The following ANO10 variants were observed in gnomAD, a reference collection of about 807,000 sequenced individuals.
ANO10 encodes anoctamin-10.
A neutral mutation model predicts 74.7 loss-of-function variants in ANO10; 77 were observed. The observed-to-expected ratio is 1.03, with a 90% CI of 0.86 to 1.25. ANO10 has a LOEUF of 1.25. Among genes scored for constraint, ANO10 ranks in the 50% most tolerant of loss-of-function variants. The pLI is 0.00. For synonymous variants in ANO10, 279 were observed against 284.9 expected (o/e 0.98, Z 0.21); for missense variants, 721 against 778.1 (o/e 0.93, Z 0.87).
At chr3:43,638,875 G>A (rs2149562617) in intron 1 of ANO10, 1 of 152,426 alleles carries the variant, frequency 6.6e-6, no homozygotes, top group African/African-American at 2.4e-5. Context: ...ACAGGAATGT[G>A]GGAGTGGCTT....
chr3:43,656,848 C>G (rs2083861096), intron 1 of ANO10, among the ~76,000 whole-genome samples: 2 of 152,234 alleles, frequency 1.3e-5, no homozygotes, highest in African/African-American at 4.8e-5. Flanking sequence ...GGGCTCCGGC[C>G]TTGGCCAGCC....
chr3:43,396,379 C>T (rs1559506311), intron 12 of ANO10, among the ~76,000 whole-genome samples: 1 of 151,986 alleles, frequency 6.6e-6, no homozygotes, highest in African/African-American at 2.4e-5. Context: ...CGCTCTGTCG[C>T]CCAGGCTGGA....
At chr3:43,485,179 C>G (rs1018443295) in intron 11 of ANO10, 1 of 713,336 alleles carries the variant, frequency 1.4e-6, no homozygotes, top group Non-Finnish European at 2.5e-6. Context: ...TGGGTGACAG[C>G]GCCTGCGGTG....
chr3:43,460,102 G>T (rs2075313329), intron 11 of ANO10, among the ~76,000 whole-genome samples: 1 of 152,070 alleles, frequency 6.6e-6, no homozygotes, highest in Non-Finnish European at 1.5e-5. Flanking sequence ...TGGGAAGAAG[G>T]CCATCAGCAC....
intron 12 of ANO10, among the ~76,000 whole-genome samples, chr3:43,402,430 T>C (rs2092499076): frequency 2.6e-5 from 4 of 152,210 alleles, no homozygotes. Flanking sequence ...TGATACATAA[T>C]ATTACTTTGC....
rs529756128 is a variant in ANO10, at chr3:43,437,949, G to A, written c.1798-5222C>T. Among the ~76,000 whole-genome samples, 55 of 151,290 alleles carry A rather than the reference G, an allele frequency of 3.6e-4. 1 individual carries two copies. Among genetic ancestry groups the A allele is most frequent in the Non-Finnish European group, 6.6e-4 (45 of 67,886 alleles). On this transcript the variant is annotated intron_variant, in intron 11 of 12. Transcript: ENST00000292246. ...CTTCAGAAGCTGACCCAAAAGAAAT[G>A]AAGATCTGTGAATTGCCTGACAGAG... is the stretch of plus-strand genomic sequence containing the variant.
At chr3:43,591,048 C>A (rs781066022) in intron 4 of ANO10, among the ~76,000 whole-genome samples, 1 of 152,176 alleles carries the variant, frequency 6.6e-6, no homozygotes, top group African/African-American at 2.4e-5. Context: ...GATATAAACC[C>A]AGGCATTTGA....
chr3:43,458,067 A>G (rs1237576162), intron 11 of ANO10, among the ~76,000 whole-genome samples: 6 of 152,222 alleles, frequency 3.9e-5, no homozygotes, highest in Non-Finnish European at 8.8e-5. Flanking sequence ...AGACAACCAC[A>G]TATTGGAAAA....
chr3:43,473,146 C>T (rs952187350), intron 11 of ANO10, among the ~76,000 whole-genome samples: 1 of 145,672 alleles, frequency 6.9e-6, no homozygotes, highest in South Asian at 2.2e-4. Flanking sequence ...GATTTTTGGT[C>T]CAAAATGTCT....
chr3:43,511,363 A>G (rs181550252), intron 11 of ANO10, among the ~76,000 whole-genome samples: 18 of 152,324 alleles, frequency 1.2e-4, no homozygotes, highest in African/African-American at 4.3e-4. Flanking sequence ...AAAACGTTTT[A>G]GCAATGTCCT....
In ANO10 at chr3:43,549,092, T is replaced by A. The variant is rs1171261654; in HGVS notation, c.1797+628A>T. Among the ~76,000 whole-genome samples, 16 of 121,118 alleles carry A rather than the reference T, an allele frequency of 1.3e-4. No homozygotes were observed. In the Admixed American group the frequency reaches 1.5e-3, roughly 11 times the overall value. 79.5% of individuals were successfully genotyped at this position (121,118 alleles called of 152,430 possible). On this transcript the variant is annotated intron_variant, in intron 11 of 12. Transcript: ENST00000292246. ...AAAAATACATATTAAATGTATGGAA[T>A]TTGATTTTGAATAGGATTTTTTTTT...
At chr3:43,641,221 G>A (rs1274427097) in intron 1 of ANO10, among the ~76,000 whole-genome samples, 1 of 152,122 alleles carries the variant, frequency 6.6e-6, no homozygotes, top group Non-Finnish European at 1.5e-5. Context: ...AAATTATCTG[G>A]ATTGGGGGTT....
chr3:43,587,358 T>C (rs2081526644), intron 4 of ANO10, among the ~76,000 whole-genome samples: 1 of 152,064 alleles, frequency 6.6e-6, no homozygotes, highest in Non-Finnish European at 1.5e-5. Flanking sequence ...TCTAGAATGG[T>C]GCAGGAAGTC....
intron 11 of ANO10, among the ~76,000 whole-genome samples, chr3:43,511,237 G>A (rs1228471061): frequency 6.6e-6 from 1 of 152,108 alleles, no homozygotes; most frequent in African/African-American, 2.4e-5. Context: ...CATTATGGTT[G>A]TTTTAGCTTT....
intron 1 of ANO10, among the ~76,000 whole-genome samples, chr3:43,640,726 A>G (rs996499478): frequency 2.6e-5 from 4 of 152,222 alleles, no homozygotes; most frequent in Non-Finnish European, 5.9e-5. Flanking sequence ...CATAATAATG[A>G]CCTTGAAGGT....
At position 43,398,517 on chromosome 3, in the gene ANO10, G is replaced by A. The variant is rs2092422426; in HGVS notation, c.1915-31543C>T. On this transcript the variant is annotated intron_variant, in intron 12 of 12. Coordinates refer to ENST00000292246, the MANE Select transcript of ANO10 (RefSeq NM_018075.5). ...TCTAACCTTGGTCTCCTTCCTCATA[G>A]GTAACTTCTGTGAAGAGTTTGATAT... Among the ~76,000 whole-genome samples the A allele has an allele frequency of 2.0e-5, 3 of 152,184 alleles. 1 individual carries two copies. Among genetic ancestry groups the A allele is most frequent in the Non-Finnish European group, 2.9e-5 (2 of 68,042 alleles).
intron 11 of ANO10, among the ~76,000 whole-genome samples, chr3:43,545,509 G>A (rs2079149528): frequency 6.6e-6 from 1 of 152,052 alleles, no homozygotes; most frequent in Admixed American, 6.6e-5. Context: ...GGGATTACAG[G>A]CACGCACCAC....
At position 43,393,074 on chromosome 3, in the gene ANO10, C is replaced by G. The variant is rs1266962023; in HGVS notation, c.1915-26100G>C. On this transcript the variant is annotated intron_variant, in intron 12 of 12. Coordinates refer to ENST00000292246, the MANE Select transcript of ANO10 (RefSeq NM_018075.5). ...TCTATGTGCTCTCCCTGAGAGAGAC[C>G]ATGCACACCCATGGCCTCAGCCACA... Among the ~76,000 whole-genome samples, 4 of 152,334 alleles carry G rather than the reference C, an allele frequency of 2.6e-5. No homozygotes were observed. The East Asian group carries it at 7.7e-4, about 29-fold the overall frequency.
At chr3:43,687,921 G>A (rs2149585297) in intron 1 of ANO10, among the ~76,000 whole-genome samples, 1 of 152,280 alleles carries the variant, frequency 6.6e-6, no homozygotes, top group South Asian at 2.1e-4. Context: ...GTGGCACGGT[G>A]GTCAGGATAG....
Sources: allele counts gnomAD v4.1 joint callset (sites outside exome capture counted in the v4.1 genomes callset), GRCh38; gene constraint gnomAD v4.1.1; transcripts MANE v1.5; gene names NCBI Gene and HGNC (gene_info 2026-07-23, HGNC 2026-07-21).